Variants in TBC1D8B observed in about 807,000 individuals in gnomAD.
The protein encoded by TBC1D8B is TBC1 domain family member 8B.
A neutral mutation model predicts 82.9 loss-of-function variants in TBC1D8B; 75 were observed. That is an observed-to-expected ratio of 0.90 (90% CI 0.75 to 1.10). TBC1D8B has a LOEUF of 1.10. Ranked by LOEUF, TBC1D8B falls within the 50% of genes least tolerant of loss-of-function variation. The probability of loss-of-function intolerance (pLI) is 0.00; values close to 1 mark genes in which losing one functional copy is unlikely to be tolerated. For synonymous variants in TBC1D8B, 276 were observed against 276.8 expected, an observed-to-expected ratio of 1.00 and a Z score of 0.03; for missense variants, 794 against 796.9, an observed-to-expected ratio of 1.00 and a Z score of 0.04.
rs1023736159 is a variant in TBC1D8B at position 106,854,303 on chromosome X, A to T, written c.2352+7A>T. 4 of 1,114,504 alleles carry T rather than the reference A, an allele frequency of 3.6e-6. No homozygotes were observed. The African/African-American group carries it at 7.5e-5, about 21-fold the overall frequency. 91.8% of individuals were successfully genotyped at this position (1,114,504 alleles called of 1,213,427 possible). A position where few individuals can be genotyped will look rare whatever the true frequency, so the allele number is the denominator to read the frequency against. ...AACAACAAAACAGAATGTGGTAAGT[A>T]TGCAACCAATGAGGAAAAACCAGTT... is the stretch of plus-strand genomic sequence containing the variant. On this transcript the variant is annotated splice_region_variant and intron_variant, in intron 14 of 20. Transcript: ENST00000357242.
intron 7 of TBC1D8B, chrX:106,829,220 G>A (rs899638747): frequency 1.9e-5 from 2 of 107,656 alleles, no homozygotes; most frequent in Non-Finnish European, 3.8e-5. Flanking sequence ...AGAATACCTA[G>A]GAATCCAACT....
At chrX:106,855,368 C>T (rs1417837471) in intron 14 of TBC1D8B, among the ~76,000 whole-genome samples, 1 of 112,275 alleles carries the variant, frequency 8.9e-6, no homozygotes, top group Non-Finnish European at 1.9e-5. Flanking sequence ...AAAGTAGATT[C>T]CCCACCCCAG....
Position 106,875,337 on chromosome X carries a change from G to A in TBC1D8B, c.*1372G>A, listed in dbSNP as rs1932880344. 1 of 111,782 alleles carries A rather than the reference G, an allele frequency of 8.9e-6. No homozygotes were observed. Among genetic ancestry groups the A allele is most frequent in the Non-Finnish European group, 1.9e-5 (1 of 53,160 alleles). 9.2% of individuals were successfully genotyped at this position (111,782 alleles called of 1,213,427 possible). The stretch of plus-strand genomic sequence containing the variant: ...GGTCTCCCTTTCTTGGAGGGAGTTG[G>A]TACAGTCAGCCTTTGGGAAGAATCC... On this transcript the variant is annotated 3_prime_UTR_variant, in exon 21 of 21. Coordinates refer to ENST00000357242, the MANE Select transcript of TBC1D8B (RefSeq NM_017752.3).
At position 106,826,024 on chromosome X, in the gene TBC1D8B, C is replaced by T. The variant is rs766070114; in HGVS notation, c.828-6C>T. The T allele has an allele frequency of 8.3e-7, 1 of 1,205,201 alleles. No homozygotes were observed. The highest frequency in any genetic ancestry group is 1.1e-6 in the Non-Finnish European group (1 of 892,281). ...TGTGCCTTATCCCATTTTTTCTTTC[C>T]TACAGAGGTCTGGAAAATAGAGCCC... On this transcript the variant is annotated splice_region_variant and splice_polypyrimidine_tract_variant and intron_variant, in intron 5 of 20. Transcript: ENST00000357242.
At chrX:106,854,437 T>C (rs969310845) in intron 14 of TBC1D8B, 141 bp downstream of exon 14, 51 of 361,056 alleles carry the variant, frequency 1.4e-4, no homozygotes, top group Non-Finnish European at 2.0e-4. Flanking sequence ...TACCCTATGG[T>C]AAATTCTTTT....
At chrX:106,827,360 A>C (rs1931881349) in intron 7 of TBC1D8B, 23 bp downstream of exon 7, 1 of 1,202,213 alleles carries the variant, frequency 8.3e-7, no homozygotes, top group South Asian at 1.8e-5. Flanking sequence ...ACAGCAATCA[A>C]ATCATTTGGA....
Position 106,874,018 on chromosome X carries a change from C to T in TBC1D8B, c.*53C>T. On this transcript the variant is annotated 3_prime_UTR_variant, in exon 21 of 21. Transcript: ENST00000357242. ...AGTTTACTAACATTCCTGTAGCTGT[C>T]AGTTTGATTCCTGTGAGTAGGGCTC... 1 of 1,114,858 alleles carries T rather than the reference C, an allele frequency of 9.0e-7. No individual in the cohort carries two copies. Among genetic ancestry groups the T allele is most frequent in the Non-Finnish European group, 1.2e-6 (1 of 839,302 alleles). 91.9% of individuals were successfully genotyped at this position (1,114,858 alleles called of 1,213,427 possible).
At position 106,875,607 on chromosome X, in the gene TBC1D8B, C is replaced by T. The variant is rs1403321426; in HGVS notation, c.*1642C>T. ...CAGAAATGATTTGCTGAACTATGTC[C>T]ATATTTTACAGCTTAGATAATAGTT... On this transcript the variant is annotated 3_prime_UTR_variant, in exon 21 of 21. Transcript: ENST00000357242. 1 of 111,620 alleles carries T rather than the reference C, an allele frequency of 9.0e-6. No homozygotes were observed. The highest frequency in any genetic ancestry group is 1.9e-5 in the Non-Finnish European group (1 of 53,114). The allele number at this position is 111,620 out of a possible 1,213,427, so 9.2% of individuals were successfully genotyped here.
chrX:106,866,058 A>G (rs377270901), intron 16 of TBC1D8B, 25 bp downstream of exon 16: 74 of 1,185,394 alleles, frequency 6.2e-5, no homozygotes, highest in Non-Finnish European at 8.1e-5. Context: ...TTAAGCAAAA[A>G]AAAAAGGTGC....
intron 7 of TBC1D8B, among the ~76,000 whole-genome samples, chrX:106,836,583 C>CT (rs745688350): frequency 0.087 from 8,895 of 101,867 alleles, 935 homozygotes; most frequent in African/African-American, 0.3. Flanking sequence ...GTCTTTTCTT[C>CT]TTTTTTTTTT....
Position 106,866,019 on chromosome X carries a change from T to C in TBC1D8B, c.2648T>C (p.Phe883Ser). ...NSDCLINFKE[F>S]SSAIDIMYNG... is the part of the protein sequence containing the mutation. ...GATTGCCTTATAAACTTCAAAGAAT[T>C]CTCCTCTGCAATTGGTAAGATGATT... Residue 883 changes from phenylalanine to serine, a missense_variant, in exon 16 of 21, where the codon TTC becomes TCC. Coordinates refer to ENST00000357242, the MANE Select transcript of TBC1D8B (RefSeq NM_017752.3). The C allele has an allele frequency of 8.3e-7, 1 of 1,201,975 alleles. No homozygotes were observed. Among genetic ancestry groups the C allele is most frequent in the Non-Finnish European group, 1.1e-6 (1 of 892,292 alleles).
intron 14 of TBC1D8B, among the ~76,000 whole-genome samples, chrX:106,858,833 T>G (rs1422390363): frequency 8.9e-6 from 1 of 112,318 alleles, no homozygotes; most frequent in Non-Finnish European, 1.9e-5. Flanking sequence ...AGGCTTTTTA[T>G]AGTTGTAGGT....
Position 106,873,664 on chromosome X carries a change from G to A in TBC1D8B, c.3062G>A (p.Ser1021Asn), listed in dbSNP as rs774509890. ...TATCAAGCCATTGCTGTTGTAACCA[G>A]CCTTTTACTCAGGATGGAAGAAGTT... ...SLYQAIAVVT[S>N]LLLRMEEVGR... The change falls in exon 21 of 21, where the codon AGC (serine) becomes AAC (asparagine). Residue 1021 changes from serine to asparagine, a missense_variant. Ser to Asn is a conservative substitution (Grantham distance 46). Coordinates refer to ENST00000357242, the MANE Select transcript of TBC1D8B (RefSeq NM_017752.3). 4.1e-6 allele frequency: 5 copies of A among 1,209,979 alleles called. No individual in the cohort carries two copies. The East Asian group carries it at 1.2e-4, about 29-fold the overall frequency.
Position 106,875,893 on chromosome X carries a change from T to G in TBC1D8B, c.*1928T>G, listed in dbSNP as rs919128154. ...TTAAAATTGAATACTGAAAGAGATT[T>G]TTTGAGTTGCAAAAAGTTTATAAAT... On this transcript the variant is annotated 3_prime_UTR_variant, in exon 21 of 21. Coordinates refer to ENST00000357242, the MANE Select transcript of TBC1D8B (RefSeq NM_017752.3). The G allele has an allele frequency of 1.7e-4, 19 of 112,475 alleles. No homozygotes were observed. The highest frequency in any genetic ancestry group is 6.1e-4 in the African/African-American group (19 of 30,965). The allele number at this position is 112,475 out of a possible 1,213,427, so 9.3% of individuals were successfully genotyped here.
intron 7 of TBC1D8B, among the ~76,000 whole-genome samples, chrX:106,835,300 G>C (rs1932148196): frequency 8.9e-6 from 1 of 112,732 alleles, no homozygotes; most frequent in African/African-American, 3.2e-5. Flanking sequence ...GGCCCGAACT[G>C]AACCTTGGCC....
chrX:106,813,704 A>G (rs186948016), intron 1 of TBC1D8B, among the ~76,000 whole-genome samples: 104 of 112,185 alleles, frequency 9.3e-4, no homozygotes, highest in Middle Eastern at 9.3e-3. Context: ...GTTTATTTAT[A>G]TACACACACA....
At chrX:106,846,225 C>T (rs771395033) in intron 10 of TBC1D8B, among the ~76,000 whole-genome samples, 12 of 105,171 alleles carry the variant, frequency 1.1e-4, no homozygotes, top group African/African-American at 3.1e-4. Flanking sequence ...CTCAGCCTCA[C>T]GAGTAGCTGG....
At chrX:106,827,378 G>C in intron 7 of TBC1D8B, 41 bp downstream of exon 7, 1 of 1,192,690 alleles carries the variant, frequency 8.4e-7, no homozygotes, top group Admixed American at 2.2e-5. Context: ...GGAAAAAAAG[G>C]TGTGTGTTTA....
intron 14 of TBC1D8B, among the ~76,000 whole-genome samples, chrX:106,864,183 G>A (rs1192117645): frequency 9.0e-6 from 1 of 111,458 alleles, no homozygotes; most frequent in Non-Finnish European, 1.9e-5. Flanking sequence ...GAGGTGAGGT[G>A]GGAGGATGAG....
Sources: gnomAD v4.1 joint callset for allele counts (sites outside exome capture counted in the v4.1 genomes callset) on GRCh38, gnomAD v4.1.1 for gene constraint, MANE v1.5 for transcripts, NCBI Gene and HGNC (gene_info 2026-07-23, HGNC 2026-07-21) for gene names.